Variants in INPP4B observed in about 807,000 individuals in gnomAD.
INPP4B encodes inositol polyphosphate-4-phosphatase type II B.
Under a neutral mutation model 122.5 loss-of-function variants are expected in INPP4B, and 55 were observed. The ratio of observed to expected loss-of-function variants is 0.45; its 90% CI spans 0.36 to 0.56. The LOEUF is 0.56. Among genes scored for constraint, INPP4B ranks in the 20% least tolerant of loss-of-function variants. The pLI, the probability that INPP4B is intolerant of heterozygous loss-of-function variation, is 0.00. For missense variants in INPP4B, 1,000 were observed against 1,097.7 expected, an observed-to-expected ratio of 0.91 and a Z score of 1.26; for synonymous variants, 403 against 388.7, an observed-to-expected ratio of 1.04 and a Z score of -0.43.
chr4:142,534,604 T>A (rs1237953755), intron 2 of INPP4B, among the ~76,000 whole-genome samples: 2 of 151,886 alleles, frequency 1.3e-5, no homozygotes, highest in Admixed American at 6.6e-5. Context: ...ATAAATGGAC[T>A]ATGACAAATG....
At chr4:142,467,451 G>A (rs1393552325) in intron 2 of INPP4B, among the ~76,000 whole-genome samples, 1 of 152,060 alleles carries the variant, frequency 6.6e-6, no homozygotes, top group South Asian at 2.1e-4. Context: ...CCCCTTTTTG[G>A]CCAATTTTTC....
chr4:142,739,663 G>A (rs1767614509), intron 1 of INPP4B, among the ~76,000 whole-genome samples: 1 of 151,860 alleles, frequency 6.6e-6, no homozygotes, highest in Admixed American at 6.6e-5. Flanking sequence ...AACATTAAGA[G>A]CCTAGAAAAG....
chr4:142,373,641 G>A (rs1790740734), intron 7 of INPP4B, among the ~76,000 whole-genome samples: 1 of 151,868 alleles, frequency 6.6e-6, no homozygotes, highest in Non-Finnish European at 1.5e-5. Flanking sequence ...AAGATTAAAT[G>A]AGCAAATATG....
chr4:142,539,298 T>C (rs533040620), intron 2 of INPP4B, among the ~76,000 whole-genome samples: 1 of 152,012 alleles, frequency 6.6e-6, no homozygotes, highest in East Asian at 1.9e-4. Flanking sequence ...CTTCAAGGTA[T>C]ATTTGACTGA....
At chr4:142,553,304 A>T (rs1728412071) in intron 2 of INPP4B, among the ~76,000 whole-genome samples, 1 of 152,212 alleles carries the variant, frequency 6.6e-6, no homozygotes, top group Admixed American at 6.5e-5. Flanking sequence ...TTTGAAACCT[A>T]GACTTATGTA....
intron 2 of INPP4B, among the ~76,000 whole-genome samples, chr4:142,576,990 A>G (rs1733994878): frequency 6.6e-6 from 1 of 152,080 alleles, no homozygotes; most frequent in African/African-American, 2.4e-5. Flanking sequence ...TTTATTATAA[A>G]TCTTACAGAT....
At chr4:142,063,063 G>A (rs1207599748) in intron 25 of INPP4B, among the ~76,000 whole-genome samples, 1 of 152,150 alleles carries the variant, frequency 6.6e-6, no homozygotes, top group African/African-American at 2.4e-5. Flanking sequence ...AGATGCCAAA[G>A]CCTTCTTTTA....
chr4:142,695,630 T>C (rs1051647291), intron 2 of INPP4B, among the ~76,000 whole-genome samples: 2 of 152,136 alleles, frequency 1.3e-5, no homozygotes, highest in Non-Finnish European at 2.9e-5. Context: ...AGATGTTCCA[T>C]CATGTTGTTA....
chr4:142,214,813 A>G (rs1846386096), intron 12 of INPP4B, among the ~76,000 whole-genome samples: 1 of 152,210 alleles, frequency 6.6e-6, no homozygotes, highest in Non-Finnish European at 1.5e-5. Flanking sequence ...TCAGCCTCCC[A>G]AAGTGCTGGG....
intron 7 of INPP4B, among the ~76,000 whole-genome samples, chr4:142,382,438 G>A (rs914824410): frequency 6.6e-6 from 1 of 151,434 alleles, no homozygotes; most frequent in Non-Finnish European, 1.5e-5. Flanking sequence ...GAACCGAGGA[G>A]GTGGATGTTG....
chr4:142,447,498 A>G (rs916895457), intron 3 of INPP4B, among the ~76,000 whole-genome samples: 1 of 152,236 alleles, frequency 6.6e-6, no homozygotes, highest in Non-Finnish European at 1.5e-5. Context: ...TTCAGGGTAC[A>G]GGCACAAAGT....
intron 21 of INPP4B, among the ~76,000 whole-genome samples, chr4:142,117,288 C>A (rs538849985): frequency 6.6e-6 from 1 of 151,774 alleles, no homozygotes; most frequent in African/African-American, 2.4e-5. Flanking sequence ...AGAAAAAAAA[C>A]GAATCCTCCC....
At chr4:142,380,602 G>C (rs1354939372) in intron 7 of INPP4B, among the ~76,000 whole-genome samples, 1 of 151,972 alleles carries the variant, frequency 6.6e-6, no homozygotes, top group Non-Finnish European at 1.5e-5. Flanking sequence ...TATTTTATTA[G>C]AAATAATAAA....
At chr4:142,788,560 AC>A (rs1358616260) in intron 1 of INPP4B, among the ~76,000 whole-genome samples, 1 of 152,018 alleles carries the variant, frequency 6.6e-6, no homozygotes, top group Non-Finnish European at 1.5e-5. Context: ...ATTTTGGTGC[AC>A]CCATCACCCA....
chr4:142,545,058 G>A (rs1028417329), intron 2 of INPP4B, among the ~76,000 whole-genome samples: 2 of 152,090 alleles, frequency 1.3e-5, no homozygotes, highest in African/African-American at 4.8e-5. Context: ...TTGGAGGGAT[G>A]CTGATTACAT....
At chr4:142,713,749 A>C (rs968126303) in intron 2 of INPP4B, among the ~76,000 whole-genome samples, 6 of 151,966 alleles carry the variant, frequency 3.9e-5, no homozygotes, top group African/African-American at 1.5e-4. Context: ...CTGAAACAGC[A>C]CTCCTTAGGA....
chr4:142,448,021 A>C (rs1813285916), intron 3 of INPP4B, among the ~76,000 whole-genome samples: 1 of 152,188 alleles, frequency 6.6e-6, no homozygotes, highest in African/African-American at 2.4e-5. Context: ...GATTGGGAGA[A>C]GATAGTCATG....
chr4:142,246,526 G>C (rs1002094125), intron 11 of INPP4B, among the ~76,000 whole-genome samples: 1 of 152,026 alleles, frequency 6.6e-6, no homozygotes, highest in Non-Finnish European at 1.5e-5. Context: ...CCTGTAAATT[G>C]TATTCCTAGG....
intron 11 of INPP4B, among the ~76,000 whole-genome samples, chr4:142,239,088 G>T (rs1220988438): frequency 6.6e-6 from 1 of 152,080 alleles, no homozygotes. Context: ...AAATTTTAGG[G>T]TCTGTAAGAA....
Sources: gnomAD v4.1 joint callset for allele counts (sites outside exome capture counted in the v4.1 genomes callset) on GRCh38, gnomAD v4.1.1 for gene constraint, MANE v1.5 for transcripts, NCBI Gene and HGNC (gene_info 2026-07-23, HGNC 2026-07-21) for gene names.